Variants in PCDHGA8 observed in about 807,000 individuals in gnomAD.
PCDHGA8 encodes the protein protocadherin gamma subfamily A, 8, also known as protocadherin gamma-A8.
PCDHGA8 carries 45 observed loss-of-function variants against 59.2 expected under a neutral mutation model. The observed-to-expected ratio is 0.76, with a 90% confidence interval of 0.60 to 0.98. PCDHGA8 has a LOEUF of 0.98. Among genes scored for constraint, PCDHGA8 ranks in the 50% least tolerant of loss-of-function variants. The probability of loss-of-function intolerance (pLI) is 0.00; values close to 1 mark genes in which losing one functional copy is unlikely to be tolerated. For synonymous variants in PCDHGA8, 531 were observed against 519.0 expected (o/e 1.02, Z -0.32); for missense variants, 1,257 against 1,196.2 (o/e 1.05, Z -0.75).
In PCDHGA8 at chr5:141,394,501, T is replaced by C. The variant is rs768158418; in HGVS notation, c.1688T>C (p.Leu563Pro). Reference sequence around the variant, plus strand: ...CAGAATGACAACGCGCCCGAGATCCTGTACCCCGCCCTCCCCACAGACGGT... The same window carrying C: ...CAGAATGACAACGCGCCCGAGATCCCGTACCCCGCCCTCCCCACAGACGGT... ...LDQNDNAPEI[L>P]YPALPTDGST... The change falls in exon 1 of 4, where the codon CTG (leucine) becomes CCG (proline). Residue 563 changes from leucine to proline, a missense_variant. Leu to Pro is a moderately conservative substitution (Grantham distance 98). Transcript: ENST00000398604. 6.2e-7 allele frequency: 1 copy of C among 1,614,216 alleles called. No homozygotes were observed. Among genetic ancestry groups the C allele is most frequent in the Admixed American group, 1.7e-5 (1 of 60,030 alleles).
intron 1 of PCDHGA8, chr5:141,402,987 G>GATTA: frequency 6.2e-7 from 1 of 1,611,924 alleles, no homozygotes; most frequent in Non-Finnish European, 8.5e-7. Flanking sequence ...CTCCGCGGAA[G>GATTA]ATTAGTCCTG....
chr5:141,395,646 C>T (rs1174950813), intron 1 of PCDHGA8: 2 of 167,832 alleles, frequency 1.2e-5, no homozygotes, highest in Non-Finnish European at 2.5e-5. Flanking sequence ...TTGTTATTAG[C>T]TTAGCAAAAG....
In PCDHGA8 at chr5:141,413,494, G is replaced by A. The variant is rs778441176; in HGVS notation, c.2424+18257G>A. The A allele has an allele frequency of 2.5e-5, 41 of 1,613,924 alleles. No homozygotes were observed. Among genetic ancestry groups the A allele is most frequent in the Non-Finnish European group, 3.1e-5 (37 of 1,179,948 alleles). On this transcript the variant is annotated intron_variant, in intron 1 of 3. Transcript: ENST00000398604. Reference sequence around the variant, plus strand: ...GCTCTGCGCTCAGAGCGCGCGGTGCGTGGTGAGTTTTAATATCCTTGTGGA... The same window carrying A: ...GCTCTGCGCTCAGAGCGCGCGGTGCATGGTGAGTTTTAATATCCTTGTGGA...
Position 141,477,782 on chromosome 5 carries a change from T to G in PCDHGA8, c.2425-17025T>G, listed in dbSNP as rs763675478. 1.2e-5 allele frequency: 20 copies of G among 1,613,902 alleles called. No individual in the cohort carries two copies. Among genetic ancestry groups the G allele is most frequent in the Non-Finnish European group, 1.7e-5 (20 of 1,180,042 alleles). ...AGCCACCAACATCAGCGTGAACATA[T>G]TTGTCACTGATCGCAATGACAATGC... On this transcript the variant is annotated intron_variant, in intron 1 of 3. Coordinates refer to ENST00000398604, the MANE Select transcript of PCDHGA8 (RefSeq NM_032088.2). The surrounding 1 kb of genome is among the most constrained non-coding windows in gnomAD (Gnocchi z 4.9).
chr5:141,393,026 G>A lies in PCDHGA8; in HGVS notation c.213G>A (p.Arg71=), dbSNP rs1215893899. The A allele has an allele frequency of 1.2e-6, 2 of 1,613,832 alleles. No individual in the cohort carries two copies. The highest frequency in any genetic ancestry group is 4.5e-5 in the East Asian group (2 of 44,874). Residue 71 remains arginine (R), a synonymous_variant, in exon 1 of 4, where the codon AGG becomes AGA. Transcript: ENST00000398604. ...GAGTCCGTATCGTCTCCAGAGGTAG[G>A]ACGCAGCTCTTTGCTCTGAACCCGC... ...KHGVRIVSRG[R]TQLFALNPRS... is the part of the protein sequence containing the mutation.
At chr5:141,470,862 G>T (rs1363111218) in intron 1 of PCDHGA8, among the ~76,000 whole-genome samples, 1 of 151,596 alleles carries the variant, frequency 6.6e-6, no homozygotes, top group Non-Finnish European at 1.5e-5. Context: ...TAAGTTTTTT[G>T]TTTGTTTGTT....
intron 3 of PCDHGA8, chr5:141,508,127 G>A (rs1220643878): frequency 6.6e-6 from 1 of 152,628 alleles, no homozygotes; most frequent in Non-Finnish European, 1.5e-5. Context: ...ACAGAGGGAG[G>A]TCAGGGAGCT....
chr5:141,397,372 G>C (rs1014875277), intron 1 of PCDHGA8, among the ~76,000 whole-genome samples: 1 of 152,012 alleles, frequency 6.6e-6, no homozygotes, highest in Non-Finnish European at 1.5e-5. Context: ...AGATGTTTGG[G>C]GATTGGTATA....
intron 3 of PCDHGA8, among the ~76,000 whole-genome samples, chr5:141,507,625 G>C (rs2099862215): frequency 6.6e-6 from 1 of 152,256 alleles, no homozygotes; most frequent in Non-Finnish European, 1.5e-5. Context: ...AGCTGTTGTG[G>C]CCTTGCGCCC....
rs73280911 is a variant in PCDHGA8, at chr5:141,446,356, A to C, written c.2425-48451A>C. Among the ~76,000 whole-genome samples the C allele has an allele frequency of 2.0e-5, 3 of 152,188 alleles. No individual in the cohort carries two copies. In the South Asian group the frequency reaches 6.2e-4, roughly 31 times the overall value. On this transcript the variant is annotated intron_variant, in intron 1 of 3. Transcript: ENST00000398604. ...ACTGGATGGACAAAGCTACCATTTGATGAGAATGGAAGACTAAAGAATGAT... is the reference window on the plus strand; with the variant it reads ...ACTGGATGGACAAAGCTACCATTTGCTGAGAATGGAAGACTAAAGAATGAT...
intron 1 of PCDHGA8, among the ~76,000 whole-genome samples, chr5:141,448,086 T>TA (rs558292628): frequency 0.011 from 1,579 of 146,268 alleles, 11 homozygotes; most frequent in Non-Finnish European, 0.016. Context: ...AATGCCATCT[T>TA]AAAAAAAAAA....
chr5:141,393,078 A>G lies in PCDHGA8; in HGVS notation c.265A>G (p.Arg89Gly). 6.2e-7 allele frequency: 1 copy of G among 1,613,718 alleles called. No individual in the cohort carries two copies. The highest frequency in any genetic ancestry group is 8.5e-7 in the Non-Finnish European group (1 of 1,179,900). The change falls in exon 1 of 4, where the codon AGG becomes GGG. Residue 89 changes from arginine (R) to glycine (G), a missense_variant. Physicochemically the swap from Arg to Gly is moderately radical, Grantham distance 125. Coordinates refer to ENST00000398604, the MANE Select transcript of PCDHGA8 (RefSeq NM_032088.2). ...PRSGSLITAGRIDREELCAQS... is the reference protein window; with the variant it reads ...PRSGSLITAGGIDREELCAQS... ...CAGCGGCAGCTTGATCACCGCGGGCAGGATAGATCGGGAGGAGCTCTGCGC... is the reference window on the plus strand; with the variant it reads ...CAGCGGCAGCTTGATCACCGCGGGCGGGATAGATCGGGAGGAGCTCTGCGC...
chr5:141,430,881 A>G, intron 1 of PCDHGA8: 4 of 1,600,896 alleles, frequency 2.5e-6, no homozygotes, highest in Non-Finnish European at 3.4e-6. Flanking sequence ...GAGCTGGAGA[A>G]AGGCTCTAGG....
intron 1 of PCDHGA8, chr5:141,419,479 C>T (rs764891283): frequency 6.2e-7 from 1 of 1,612,390 alleles, no homozygotes; most frequent in Non-Finnish European, 8.5e-7. Context: ...AGGGCTCGCC[C>T]GCGCTCAGCG....
At chr5:141,434,323 T>G (rs578049856) in intron 1 of PCDHGA8, among the ~76,000 whole-genome samples, 1 of 152,358 alleles carries the variant, frequency 6.6e-6, no homozygotes, top group South Asian at 2.1e-4. Flanking sequence ...CTCTTGCTGC[T>G]TGTCTCTTTG....
At chr5:141,479,486 A>T (rs72790065) in intron 1 of PCDHGA8, 21,264 of 152,292 alleles carry the variant, frequency 0.14, 1,529 homozygotes, top group Admixed American at 0.16. Context: ...GGGCAGGACC[A>T]TCAGGTTGCC....
chr5:141,467,554 T>A (rs2099145880), intron 1 of PCDHGA8, among the ~76,000 whole-genome samples: 1 of 152,238 alleles, frequency 6.6e-6, no homozygotes. Flanking sequence ...TATATCTTTT[T>A]TCCCAAATGG....
rs539905795 is a variant in PCDHGA8, at chr5:141,419,910, C to T, written c.2424+24673C>T. 1.5e-5 allele frequency: 25 copies of T among 1,614,086 alleles called. No individual in the cohort carries two copies. In the South Asian group the frequency reaches 2.4e-4, roughly 16 times the overall value. On this transcript the variant is annotated intron_variant, in intron 1 of 3. Coordinates refer to ENST00000398604, the MANE Select transcript of PCDHGA8 (RefSeq NM_032088.2). ...AGCGACCATCCCACACCCTCTGACT[C>T]CCAGGCTGAGATGCAGTTTTACCTG...
chr5:141,485,229 T>G lies in PCDHGA8; in HGVS notation c.2425-9578T>G, dbSNP rs2099609870. ...ATCTGGCGGTGGGCTACCCTTTTGT[T>G]CCTCTTTTACCACCTGGGTTACGTT... is the stretch of plus-strand genomic sequence containing the variant. On this transcript the variant is annotated intron_variant, in intron 1 of 3. Coordinates refer to ENST00000398604, the MANE Select transcript of PCDHGA8 (RefSeq NM_032088.2). The surrounding 1 kb of genome is among the most constrained non-coding windows in gnomAD (Gnocchi z 5.7). 6.2e-7 allele frequency: 1 copy of G among 1,614,042 alleles called. No individual in the cohort carries two copies. The highest frequency in any genetic ancestry group is 8.5e-7 in the Non-Finnish European group (1 of 1,180,030).
Sources: allele counts gnomAD v4.1 joint callset (sites outside exome capture counted in the v4.1 genomes callset), GRCh38; gene constraint gnomAD v4.1.1; non-coding constraint Gnocchi (gnomAD v3.1); transcripts MANE v1.5; gene names NCBI Gene and HGNC (gene_info 2026-07-23, HGNC 2026-07-21).